PPP2R3A: variants seen among roughly 807,000 people sequenced by gnomAD.
The protein encoded by PPP2R3A is serine/threonine-protein phosphatase 2A regulatory subunit B'' subunit alpha.
In PPP2R3A, 80 loss-of-function variants were observed where a neutral mutation model predicts 106.9. The ratio of observed to expected loss-of-function variants is 0.75; its 90% CI spans 0.62 to 0.90. PPP2R3A has a LOEUF of 0.90. Ranked by LOEUF, PPP2R3A falls within the 40% of genes least tolerant of loss-of-function variation. The pLI, the probability that PPP2R3A is intolerant of heterozygous loss-of-function variation, is 0.00. For missense variants in PPP2R3A, 1,386 were observed against 1,350.4 expected, an observed-to-expected ratio of 1.03 and a Z score of -0.41; for synonymous variants, 483 against 468.3, an observed-to-expected ratio of 1.03 and a Z score of -0.41.
In PPP2R3A at chr3:136,027,069, G is replaced by A. The variant is rs16843645; in HGVS notation, c.2233G>A (p.Asp745Asn). 7.7e-3 allele frequency: 12,423 copies of A among 1,613,156 alleles called. 672 individuals carry two copies. In the East Asian group the frequency reaches 0.13, roughly 16 times the overall value. Residue 745 changes from aspartate (D) to asparagine (N), a missense_variant, in exon 3 of 14, where the codon GAC (aspartate) becomes AAC (asparagine). Coordinates refer to ENST00000264977, the MANE Select transcript of PPP2R3A (RefSeq NM_002718.5). ...AFMDIEEQKA[D>N]IYEMGKIAKV... ...CATGGATATTGAAGAACAGAAAGCA[G>A]ACATTTATGAAATGGGGAAAATTGC...
At chr3:136,105,343 T>C (rs1210991906) in intron 12 of PPP2R3A, among the ~76,000 whole-genome samples, 2 of 152,192 alleles carry the variant, frequency 1.3e-5, no homozygotes, top group East Asian at 1.9e-4. Context: ...AAGAGTAGAC[T>C]TACCAGGTGC....
At chr3:136,058,578 G>A (rs559787751) in intron 5 of PPP2R3A, among the ~76,000 whole-genome samples, 7 of 152,192 alleles carry the variant, frequency 4.6e-5, no homozygotes, top group African/African-American at 1.4e-4. Flanking sequence ...CACTAAAATG[G>A]CCATATTGTC....
At position 136,083,614 on chromosome 3, in the gene PPP2R3A, C is replaced by A. The variant is rs1433453383; in HGVS notation, c.2788+1193C>A. On this transcript the variant is annotated intron_variant, in intron 8 of 13. Transcript: ENST00000264977. ...CATGGGGCGCTGCTGTAAAGATACC[C>A]GAAAATGTGGAAGGGACTTTGGAAC... Among the ~76,000 whole-genome samples, 3 of 152,050 alleles carry A rather than the reference C, an allele frequency of 2.0e-5. 1 individual carries two copies. Among genetic ancestry groups the A allele is most frequent in the Admixed American group, 2.0e-4 (3 of 15,252 alleles).
At chr3:136,055,142 C>T in intron 5 of PPP2R3A, 2 of 721,342 alleles carry the variant, frequency 2.8e-6, no homozygotes, top group South Asian at 2.4e-5. Flanking sequence ...TCAAAGATTC[C>T]TTTTAGGCTT....
rs59086929 is a variant in PPP2R3A, at chr3:136,137,534, A to ATTT, written c.3330-7486_3330-7484dup. Among the ~76,000 whole-genome samples the ATTT allele has an allele frequency of 7.1e-3, 287 of 40,534 alleles. 70 individuals carry two copies. The highest frequency in any genetic ancestry group is 0.01 in the African/African-American group (128 of 12,338). The allele number at this position is 40,534 out of a possible 152,430, so 26.6% of individuals were successfully genotyped here. A position where few individuals can be genotyped will look rare whatever the true frequency, so the allele number is the denominator to read the frequency against. ...AAATATATGAATTACTCTGTCAGAG[A>ATTT]TTTTTTTTTTTTTTTTTTTTTTTTT... On this transcript the variant is annotated intron_variant, in intron 13 of 13. Transcript: ENST00000264977.
At chr3:136,141,992 T>G (rs1938890727) in intron 13 of PPP2R3A, among the ~76,000 whole-genome samples, 2 of 152,108 alleles carry the variant, frequency 1.3e-5, no homozygotes, top group Non-Finnish European at 2.9e-5. Context: ...GAGTTCAAGT[T>G]TATACATGCT....
chr3:136,144,771 C>T (rs538782610), intron 13 of PPP2R3A, among the ~76,000 whole-genome samples: 3 of 152,070 alleles, frequency 2.0e-5, no homozygotes, highest in Non-Finnish European at 4.4e-5. Flanking sequence ...ATCTGTAATT[C>T]TCTCACTCCC....
chr3:136,102,445 C>G (rs974569052), intron 11 of PPP2R3A, among the ~76,000 whole-genome samples: 4 of 147,672 alleles, frequency 2.7e-5, no homozygotes, highest in African/African-American at 1.0e-4. Flanking sequence ...CTCCTGGGTT[C>G]AAGTGATTCT....
intron 1 of PPP2R3A, among the ~76,000 whole-genome samples, chr3:135,970,242 A>G (rs1937206377): frequency 6.6e-6 from 1 of 152,224 alleles, no homozygotes; most frequent in Non-Finnish European, 1.5e-5. Context: ...TAGCCCAGGA[A>G]GAGAATGAGA....
At chr3:135,966,704 A>G (rs1254254077) in intron 1 of PPP2R3A, among the ~76,000 whole-genome samples, 1 of 152,190 alleles carries the variant, frequency 6.6e-6, no homozygotes, top group Non-Finnish European at 1.5e-5. Context: ...TTTGTAAATT[A>G]TAAGGTATTT....
At chr3:135,980,223 CTTGAG>C (rs1451593486) in intron 1 of PPP2R3A, among the ~76,000 whole-genome samples, 1 of 151,724 alleles carries the variant, frequency 6.6e-6, no homozygotes, top group East Asian at 1.9e-4. Flanking sequence ...ATTGGTCTAC[CTTGAG>C]TTAGTGTCCC....
rs553040122 is a variant in PPP2R3A, at chr3:136,033,520, T to G, written c.2262+6422T>G. On this transcript the variant is annotated intron_variant, in intron 3 of 13. Transcript: ENST00000264977. ...GGCTGTGAATCCGTCTGTCCTTGAC[T>G]TTTTTTGTTGGTAATTTTTAAACTA... is the stretch of plus-strand genomic sequence containing the variant. Among the ~76,000 whole-genome samples, 9 of 152,316 alleles carry G rather than the reference T, an allele frequency of 5.9e-5. No individual in the cohort carries two copies. In the East Asian group the frequency reaches 1.7e-3, roughly 29 times the overall value.
At chr3:136,066,435 G>A (rs564044344) in intron 5 of PPP2R3A, among the ~76,000 whole-genome samples, 2 of 152,230 alleles carry the variant, frequency 1.3e-5, no homozygotes, top group East Asian at 3.9e-4. Context: ...TTCCAGGAAG[G>A]CAAGATTGTT....
At chr3:136,012,194 CAAG>C (rs1300504286) in intron 2 of PPP2R3A, among the ~76,000 whole-genome samples, 2 of 151,980 alleles carry the variant, frequency 1.3e-5, no homozygotes, top group African/African-American at 4.8e-5. Flanking sequence ...ATTAATTCCT[CAAG>C]GAGAGAGGGA....
At chr3:136,103,946 A>G (rs1427575183) in intron 12 of PPP2R3A, among the ~76,000 whole-genome samples, 1 of 152,232 alleles carries the variant, frequency 6.6e-6, no homozygotes, top group Non-Finnish European at 1.5e-5. Context: ...GGACCCTCAG[A>G]AAACCCTATA....
chr3:136,140,329 C>G (rs1938805360), intron 13 of PPP2R3A, among the ~76,000 whole-genome samples: 1 of 151,632 alleles, frequency 6.6e-6, no homozygotes, highest in South Asian at 2.1e-4. Context: ...GTAGCTGACA[C>G]CTATAATTCC....
intron 5 of PPP2R3A, among the ~76,000 whole-genome samples, chr3:136,068,886 A>G (rs1268399536): frequency 5.3e-5 from 8 of 152,200 alleles, no homozygotes; most frequent in Non-Finnish European, 1.2e-4. Flanking sequence ...CCAGTGATGC[A>G]CTGAAAAGGA....
intron 13 of PPP2R3A, among the ~76,000 whole-genome samples, chr3:136,140,795 A>T (rs1938838746): frequency 6.6e-6 from 1 of 151,570 alleles, no homozygotes; most frequent in Non-Finnish European, 1.5e-5. Context: ...CTATAATCCC[A>T]GCTACTCAGG....
chr3:136,078,738 C>G (rs761346338), intron 7 of PPP2R3A, among the ~76,000 whole-genome samples: 4 of 152,200 alleles, frequency 2.6e-5, no homozygotes, highest in African/African-American at 9.6e-5. Context: ...ATGGATAAAA[C>G]GTACAGAGGC....
Sources: gnomAD v4.1 joint callset for allele counts (sites outside exome capture counted in the v4.1 genomes callset) on GRCh38, gnomAD v4.1.1 for gene constraint, MANE v1.5 for transcripts, NCBI Gene and HGNC (gene_info 2026-07-23, HGNC 2026-07-21) for gene names.